Variants in AGBL1 observed in about 807,000 individuals in gnomAD.
The protein encoded by AGBL1 is AGBL carboxypeptidase 1.
In AGBL1, 130 loss-of-function variants were observed where a neutral mutation model predicts 118.9. The observed-to-expected ratio is 1.09, with a 90% CI of 0.95 to 1.26. The LOEUF (loss-of-function observed/expected upper bound fraction) is 1.26, where lower values mean the gene tolerates loss of function less well. Among genes scored for constraint, AGBL1 ranks in the 50% most tolerant of loss-of-function variants. The probability of loss-of-function intolerance (pLI) is 0.00; values close to 1 mark genes in which losing one functional copy is unlikely to be tolerated. For missense variants in AGBL1, 1,584 were observed against 1,298.1 expected, an observed-to-expected ratio of 1.22 and a Z score of -3.38; for synonymous variants, 555 against 478.9, an observed-to-expected ratio of 1.16 and a Z score of -2.08.
intron 21 of AGBL1, among the ~76,000 whole-genome samples, chr15:86,563,804 T>A (rs1339529868): frequency 6.6e-6 from 1 of 152,192 alleles, no homozygotes; most frequent in Non-Finnish European, 1.5e-5. Context: ...GCTTTATGAA[T>A]CTGGGTGCTC....
chr15:86,269,625 G>A (rs1002881587), intron 13 of AGBL1, among the ~76,000 whole-genome samples: 9 of 152,098 alleles, frequency 5.9e-5, no homozygotes, highest in African/African-American at 2.2e-4. Context: ...AATATCACAT[G>A]TACCCCATAA....
intron 1 of AGBL1, among the ~76,000 whole-genome samples, chr15:86,102,054 T>C (rs1896761509): frequency 6.6e-6 from 1 of 151,186 alleles, no homozygotes; most frequent in Non-Finnish European, 1.5e-5. Flanking sequence ...TTTTTTTTTT[T>C]AATTGAGATG....
At chr15:86,530,129 G>C (rs2142216894) in intron 19 of AGBL1, among the ~76,000 whole-genome samples, 1 of 139,668 alleles carries the variant, frequency 7.2e-6, no homozygotes, top group Non-Finnish European at 1.5e-5. Flanking sequence ...AAATGTAAAT[G>C]GACTAAATTC....
intron 1 of AGBL1, among the ~76,000 whole-genome samples, chr15:86,104,630 C>T (rs1567056875): frequency 1.3e-5 from 2 of 152,242 alleles, no homozygotes; most frequent in East Asian, 1.9e-4. Flanking sequence ...GTGCTTTTGC[C>T]CTGGAGGCAG....
intron 19 of AGBL1, among the ~76,000 whole-genome samples, chr15:86,528,290 A>C (rs1204763394): frequency 6.6e-6 from 1 of 152,244 alleles, no homozygotes; most frequent in Non-Finnish European, 1.5e-5. Context: ...GCATTGCCTC[A>C]CCTGGGAAGC....
intron 16 of AGBL1, among the ~76,000 whole-genome samples, chr15:86,280,444 C>T (rs1034350526): frequency 6.6e-6 from 1 of 152,108 alleles, no homozygotes; most frequent in Non-Finnish European, 1.5e-5. Flanking sequence ...GTTCACAAGA[C>T]AATTGTGAGA....
At chr15:87,021,948 C>T (rs2081669035) in intron 24 of AGBL1, among the ~76,000 whole-genome samples, 1 of 152,204 alleles carries the variant, frequency 6.6e-6, no homozygotes. Flanking sequence ...GGCTGACAGA[C>T]CTACAGATGT....
chr15:86,143,097 G>T (rs1003005412), intron 2 of AGBL1, among the ~76,000 whole-genome samples: 2 of 152,178 alleles, frequency 1.3e-5, no homozygotes, highest in African/African-American at 2.4e-5. Context: ...GTTCAAAATT[G>T]TACTTAGGTA....
At chr15:86,088,140 A>G (rs556117755) in intron 1 of AGBL1, 1 of 152,398 alleles carries the variant, frequency 6.6e-6, no homozygotes, top group African/African-American at 2.4e-5. Context: ...TTTATTTGGA[A>G]AACAGTCAGT....
chr15:86,680,683 T>C (rs1285988660), intron 22 of AGBL1, among the ~76,000 whole-genome samples: 2 of 150,692 alleles, frequency 1.3e-5, no homozygotes, highest in Non-Finnish European at 3.0e-5. Flanking sequence ...TATCCTGCCT[T>C]AGTCTCTTGA....
In AGBL1 at chr15:86,266,432, G is replaced by A; in HGVS notation, c.1726G>A (p.Val576Ile). The change falls in exon 12 of 23, where the codon GTT (valine) becomes ATT (isoleucine). Residue 576 changes from valine to isoleucine, a missense_variant. By Grantham distance (29) the Val-to-Ile change is conservative. Transcript: ENST00000614907. ...LIQPSDVINKVVFSLDEPWPL... is the reference protein window; with the variant it reads ...LIQPSDVINKIVFSLDEPWPL... ...CCAGCCAAGTGATGTTATAAATAAA[G>A]TTGTCTTCAGTTTAGATGAGCCTTG... is the stretch of plus-strand genomic sequence containing the variant. 6.4e-7 allele frequency: 1 copy of A among 1,571,566 alleles called. No individual in the cohort carries two copies. Among genetic ancestry groups the A allele is most frequent in the Non-Finnish European group, 8.6e-7 (1 of 1,156,364 alleles).
intron 21 of AGBL1, among the ~76,000 whole-genome samples, chr15:86,672,723 A>G (rs949662742): frequency 2.2e-5 from 3 of 139,060 alleles, no homozygotes; most frequent in Non-Finnish European, 3.2e-5. Context: ...TTAGAAAGTG[A>G]TCTTTTCTAT....
intron 5 of AGBL1, among the ~76,000 whole-genome samples, chr15:86,204,614 G>A (rs1597546266): frequency 6.6e-6 from 1 of 151,718 alleles, no homozygotes; most frequent in African/African-American, 2.4e-5. Context: ...TTTTGAGACG[G>A]AGTCTCACTC....
chr15:86,093,760 G>C (rs1007629496), intron 1 of AGBL1, among the ~76,000 whole-genome samples: 4 of 152,108 alleles, frequency 2.6e-5, no homozygotes, highest in Admixed American at 6.6e-5. Context: ...CATGCTGAAG[G>C]GCAGGCAAGA....
intron 19 of AGBL1, among the ~76,000 whole-genome samples, chr15:86,545,569 A>G (rs2083568638): frequency 6.6e-6 from 1 of 151,922 alleles, no homozygotes; most frequent in Non-Finnish European, 1.5e-5. Context: ...CACACTCTGA[A>G]ATGCCCCAGC....
chr15:86,213,508 T>C (rs2078135543), intron 5 of AGBL1, among the ~76,000 whole-genome samples: 1 of 152,156 alleles, frequency 6.6e-6, no homozygotes, highest in South Asian at 2.1e-4. Context: ...CTTAAAACTC[T>C]GTGTTTTAAC....
chr15:86,441,469 T>C (rs1340451013), intron 18 of AGBL1, among the ~76,000 whole-genome samples: 1 of 152,176 alleles, frequency 6.6e-6, no homozygotes, highest in Non-Finnish European at 1.5e-5. Flanking sequence ...TAATGACTCA[T>C]TCTGTTTAAT....
At chr15:86,691,699 T>G (rs2086175091) in intron 22 of AGBL1, among the ~76,000 whole-genome samples, 1 of 152,150 alleles carries the variant, frequency 6.6e-6, no homozygotes, top group Admixed American at 6.6e-5. Flanking sequence ...ATGATAAAGT[T>G]TTACTATATT....
rs920645302 is a variant in AGBL1 at position 86,770,196 on chromosome 15, G to A, written c.3158+95760G>A. On this transcript the variant is annotated intron_variant, in intron 22 of 22. Coordinates refer to ENST00000614907, the MANE Select transcript of AGBL1 (RefSeq NM_001386094.1). Reference sequence around the variant, plus strand: ...GACAGATAATCTACATGTATCTGGCGCTATAGTTAGTTTATAGAGATGAAT... The same window carrying A: ...GACAGATAATCTACATGTATCTGGCACTATAGTTAGTTTATAGAGATGAAT... Among the ~76,000 whole-genome samples the A allele has an allele frequency of 5.9e-5, 9 of 151,948 alleles. No individual in the cohort carries two copies. The East Asian group carries it at 7.8e-4, about 13-fold the overall frequency.
Sources: gnomAD v4.1 joint callset for allele counts (sites outside exome capture counted in the v4.1 genomes callset) on GRCh38, gnomAD v4.1.1 for gene constraint, MANE v1.5 for transcripts, NCBI Gene and HGNC (gene_info 2026-07-23, HGNC 2026-07-21) for gene names.